DEDD2: variants seen among roughly 807,000 people sequenced by gnomAD.
DEDD2 encodes the protein death effector domain containing 2.
DEDD2 carries 18 observed loss-of-function variants against 28.9 expected under a neutral mutation model. That is an observed-to-expected ratio of 0.62 (90% CI 0.43 to 0.92). The LOEUF is 0.92. Ranked by LOEUF, DEDD2 falls within the 40% of genes least tolerant of loss-of-function variation. The pLI is 0.00. For synonymous variants in DEDD2, 211 were observed against 206.1 expected (o/e 1.02, Z -0.20); for missense variants, 411 against 463.3 (o/e 0.89, Z 1.04).
chr19:42,207,804 A>G (rs2035591705), intron 4 of DEDD2, among the ~76,000 whole-genome samples: 1 of 148,208 alleles, frequency 6.7e-6, no homozygotes, highest in African/African-American at 2.5e-5. Context: ...AATCCAAACC[A>G]AGGCCCCCCA....
chr19:42,206,890 C>T (rs1262223666), intron 4 of DEDD2, among the ~76,000 whole-genome samples: 2 of 152,196 alleles, frequency 1.3e-5, no homozygotes, highest in African/African-American at 4.8e-5. Flanking sequence ...GAGGGAAAAA[C>T]AGGAGCCCAG....
At chr19:42,201,421 C>A (rs2035325601) in intron 4 of DEDD2, among the ~76,000 whole-genome samples, 1 of 152,254 alleles carries the variant, frequency 6.6e-6, no homozygotes, top group Non-Finnish European at 1.5e-5. Context: ...CAAGCTAGCA[C>A]TGCACACAGT....
chr19:42,209,265 C>T (rs575221461), intron 4 of DEDD2, among the ~76,000 whole-genome samples: 15 of 151,832 alleles, frequency 9.9e-5, no homozygotes, highest in African/African-American at 2.7e-4. Flanking sequence ...AGAAAAGAAA[C>T]GAAACTGAGG....
At chr19:42,218,323 C>A (rs2036061673), upstream of DEDD2, among the ~76,000 whole-genome samples, 1 of 151,516 alleles carries the variant, frequency 6.6e-6, no homozygotes, top group Non-Finnish European at 1.5e-5. Flanking sequence ...TACCTCCTTC[C>A]AAGCGGCAAC....
chr19:42,210,113 A>T (rs1166623192), intron 3 of DEDD2, among the ~76,000 whole-genome samples: 1 of 152,154 alleles, frequency 6.6e-6, no homozygotes, highest in Non-Finnish European at 1.5e-5. Flanking sequence ...CAGGAGACAC[A>T]CACGACAACC....
intron 4 of DEDD2, among the ~76,000 whole-genome samples, chr19:42,206,991 T>C (rs546550855): frequency 2.2e-4 from 33 of 152,136 alleles, no homozygotes; most frequent in Non-Finnish European, 4.6e-4. Context: ...AGCCAAGCCC[T>C]GGTTAACGAC....
rs757699226 is a variant in DEDD2 at position 42,216,716 on chromosome 19, G to T, written c.292C>A (p.Leu98Met). Residue 98 changes from leucine (L) to methionine (M), a missense_variant, in exon 2 of 5, where the codon CTG becomes ATG. By Grantham distance (15) the Leu-to-Met change is conservative. Coordinates refer to ENST00000596251, the MANE Select transcript of DEDD2 (RefSeq NM_133328.4). ...QLLRVLARHD[L>M]LPHLARKRRR... ...CGCTTGCGCGCCAGGTGCGGCAGCA[G>T]GTCGTGGCGGGCCAGCACGCGCAGG... 16 of 1,589,446 alleles carry T rather than the reference G, an allele frequency of 1.0e-5. No individual in the cohort carries two copies. The highest frequency in any genetic ancestry group is 1.4e-5 in the Non-Finnish European group (16 of 1,171,430).
In DEDD2 at chr19:42,216,685, C is replaced by T. The variant is rs1397104549; in HGVS notation, c.323G>A (p.Arg108Gln). The change falls in exon 2 of 5, where the codon CGG (arginine) becomes CAG (glutamine). Residue 108 changes from arginine (R) to glutamine (Q), a missense_variant. By Grantham distance (43) the Arg-to-Gln change is conservative. Coordinates refer to ENST00000596251, the MANE Select transcript of DEDD2 (RefSeq NM_133328.4). ...ACCCTCCCATTCAACCGTACCTGGC[C>T]GGCGCCGCTTGCGCGCCAGGTGCGG... The part of the protein sequence containing the change: ...LLPHLARKRR[R>Q]PVSPERYSYG... The T allele has an allele frequency of 1.3e-6, 2 of 1,573,050 alleles. No homozygotes were observed. The highest frequency in any genetic ancestry group is 2.3e-5 in the East Asian group (1 of 43,580).
In DEDD2 at chr19:42,198,672, C is replaced by T. The variant is rs950484755; in HGVS notation, c.*766G>A. 1 of 152,318 alleles carries T rather than the reference C, an allele frequency of 6.6e-6. No individual in the cohort carries two copies. Among genetic ancestry groups the T allele is most frequent in the African/African-American group, 2.4e-5 (1 of 41,460 alleles). 9.4% of individuals were successfully genotyped at this position (152,318 alleles called of 1,614,324 possible). ...AGGTCTTTTCCATCACCCCCAAAGC[C>T]TTTGCATTCCCTTTCCAAGAAGGTG... On this transcript the variant is annotated 3_prime_UTR_variant, in exon 5 of 5. Transcript: ENST00000596251.
intron 3 of DEDD2, among the ~76,000 whole-genome samples, chr19:42,212,519 C>T (rs943060791): frequency 2.0e-5 from 3 of 149,578 alleles, no homozygotes; most frequent in African/African-American, 7.4e-5. Flanking sequence ...GACTGGAGTG[C>T]AGTGGCATGA....
At chr19:42,200,213 G>C (rs1252058980) in intron 4 of DEDD2, among the ~76,000 whole-genome samples, 1 of 152,140 alleles carries the variant, frequency 6.6e-6, no homozygotes, top group Non-Finnish European at 1.5e-5. Context: ...CCCACACCCT[G>C]CTCCATTTTT....
At chr19:42,208,629 C>T (rs1397612042) in intron 4 of DEDD2, among the ~76,000 whole-genome samples, 1 of 152,202 alleles carries the variant, frequency 6.6e-6, no homozygotes, top group Non-Finnish European at 1.5e-5. Context: ...TCATCCCTGC[C>T]GTGGCCCGCG....
intron 4 of DEDD2, among the ~76,000 whole-genome samples, chr19:42,206,678 TAGG>T (rs2035547535): frequency 2.0e-5 from 3 of 152,126 alleles, no homozygotes; most frequent in Admixed American, 2.0e-4. Context: ...TGTCCAACCC[TAGG>T]ACCACCAAGG....
intron 3 of DEDD2, among the ~76,000 whole-genome samples, chr19:42,211,377 C>A (rs771682933): frequency 4.2e-5 from 6 of 144,150 alleles, no homozygotes; most frequent in Non-Finnish European, 7.5e-5. Context: ...AGAGCTAGAC[C>A]CTCAAAGGGA....
chr19:42,214,713 T>C (rs2035895200), intron 3 of DEDD2, among the ~76,000 whole-genome samples: 1 of 152,132 alleles, frequency 6.6e-6, no homozygotes. Flanking sequence ...CAGAGAGCTA[T>C]GATTTCATCA....
Position 42,206,595 on chromosome 19 carries a change from C to T in DEDD2, c.589+3105G>A, listed in dbSNP as rs771851689. 1.1e-3 allele frequency among the ~76,000 whole-genome samples: 161 copies of T among 152,202 alleles called. 2 individuals carry two copies. The highest frequency in any genetic ancestry group is 2.6e-4 in the Admixed American group (4 of 15,278). ...GCAAGATGTCATCCCACCTCAATGG[C>T]TGTCTTGAGAATTCAGGGCCGAGTA... On this transcript the variant is annotated intron_variant, in intron 4 of 4. Coordinates refer to ENST00000596251, the MANE Select transcript of DEDD2 (RefSeq NM_133328.4).
chr19:42,213,641 T>C (rs566171008), intron 3 of DEDD2, among the ~76,000 whole-genome samples: 139 of 151,884 alleles, frequency 9.2e-4, no homozygotes, highest in African/African-American at 3.3e-3. Flanking sequence ...ACAAAAAATG[T>C]AAGGGAAAGA....
chr19:42,206,086 T>TAA (rs752450468), intron 4 of DEDD2, among the ~76,000 whole-genome samples: 4 of 127,604 alleles, frequency 3.1e-5, no homozygotes, highest in Non-Finnish European at 1.7e-5. Context: ...TCTCATAATT[T>TAA]AAAAAAAAAA....
chr19:42,218,472 C>T (rs989373419), upstream of DEDD2, among the ~76,000 whole-genome samples: 1 of 152,136 alleles, frequency 6.6e-6, no homozygotes, highest in Non-Finnish European at 1.5e-5. Flanking sequence ...CCCAGATACC[C>T]GCTCCCTAAC....
Sources: allele counts gnomAD v4.1 joint callset (sites outside exome capture counted in the v4.1 genomes callset), GRCh38; gene constraint gnomAD v4.1.1; transcripts MANE v1.5; gene names NCBI Gene and HGNC (gene_info 2026-07-23, HGNC 2026-07-21).